The following PGM2L1 variants were observed in gnomAD, a reference collection of about 807,000 sequenced individuals.
PGM2L1 encodes the protein phosphoglucomutase 2 like 1, also known as glucose 1,6-bisphosphate synthase.
Under a neutral mutation model 73.4 loss-of-function variants are expected in PGM2L1, and 35 were observed. That is an observed-to-expected ratio of 0.48 (90% CI 0.36 to 0.63). PGM2L1 has a LOEUF of 0.63. Among genes scored for constraint, PGM2L1 ranks in the 30% least tolerant of loss-of-function variants. The pLI is 0.00. For missense variants in PGM2L1, 570 were observed against 742.0 expected (o/e 0.77, Z 2.69); for synonymous variants, 225 against 253.8 (o/e 0.89, Z 1.08).
At chr11:74,362,691 G>A (rs1862585237) in intron 5 of PGM2L1, among the ~76,000 whole-genome samples, 2 of 152,160 alleles carry the variant, frequency 1.3e-5, no homozygotes, top group Non-Finnish European at 2.9e-5. Flanking sequence ...ATAAAGGGAT[G>A]GAGGAAGATC....
intron 1 of PGM2L1, among the ~76,000 whole-genome samples, chr11:74,377,639 A>C (rs946559524): frequency 6.6e-6 from 1 of 152,204 alleles, no homozygotes; most frequent in Non-Finnish European, 1.5e-5. Flanking sequence ...TTTCAAGTAG[A>C]AAAGTGACTT....
intron 4 of PGM2L1, among the ~76,000 whole-genome samples, chr11:74,370,009 A>C (rs1470523769): frequency 6.6e-6 from 1 of 152,118 alleles, no homozygotes; most frequent in African/African-American, 2.4e-5. Context: ...GGCCTCCCAA[A>C]GTGCTGGGAT....
chr11:74,389,968 AAT>A (rs1863072275), intron 1 of PGM2L1, among the ~76,000 whole-genome samples: 1 of 137,056 alleles, frequency 7.3e-6, no homozygotes, highest in African/African-American at 2.8e-5. Context: ...AAAAAAAAAA[AAT>A]TAGCCAGGCG....
At chr11:74,358,820 C>G (rs532605954) in intron 5 of PGM2L1, among the ~76,000 whole-genome samples, 4 of 152,098 alleles carry the variant, frequency 2.6e-5, no homozygotes, top group African/African-American at 9.7e-5. Context: ...ACCTGGGAGG[C>G]GAAGGTTGCA....
rs115533846 is a variant in PGM2L1 at position 74,334,807 on chromosome 11, G to A, written c.*1845C>T. 6.6e-6 allele frequency: 1 copy of A among 151,626 alleles called. No individual in the cohort carries two copies. Among genetic ancestry groups the A allele is most frequent in the Non-Finnish European group, 1.5e-5 (1 of 67,950 alleles). The allele number at this position is 151,626 out of a possible 1,614,324, so 9.4% of individuals were successfully genotyped here. A position where few individuals can be genotyped will look rare whatever the true frequency, so the allele number is the denominator to read the frequency against. On this transcript the variant is annotated 3_prime_UTR_variant, in exon 14 of 14. Transcript: ENST00000298198. Reference sequence around the variant, plus strand: ...AGCAATTTGTTTAGGTCTTGTTATTGTTATCTCCTAACTATACCCCATATG... The same window carrying A: ...AGCAATTTGTTTAGGTCTTGTTATTATTATCTCCTAACTATACCCCATATG...
chr11:74,339,087 C>T (rs1286212229), intron 12 of PGM2L1, among the ~76,000 whole-genome samples: 1 of 152,098 alleles, frequency 6.6e-6, no homozygotes, highest in East Asian at 1.9e-4. Context: ...GTAAGTGTTA[C>T]CGCCATTTTA....
Position 74,333,648 on chromosome 11 carries a change from CTCA to C in PGM2L1, c.*3001_*3003del, listed in dbSNP as rs1198054803. ...AATAAAGGAAAATGGTAGGTGCATA[CTCA>C]TCATAACAACAAATAAACACAAGTA... On this transcript the variant is annotated 3_prime_UTR_variant, in exon 14 of 14. Transcript: ENST00000298198. 6.6e-6 allele frequency: 1 copy of C among 152,218 alleles called. No homozygotes were observed. Among genetic ancestry groups the C allele is most frequent in the Non-Finnish European group, 1.5e-5 (1 of 68,050 alleles). The allele number at this position is 152,218 out of a possible 1,614,324, so 9.4% of individuals were successfully genotyped here.
rs776428459 is a variant in PGM2L1 at position 74,342,520 on chromosome 11, T to C, written c.1573A>G (p.Ile525Val). The C allele has an allele frequency of 3.7e-6, 6 of 1,609,792 alleles. No homozygotes were observed. The highest frequency in any genetic ancestry group is 5.1e-6 in the Non-Finnish European group (6 of 1,177,848). ...GTGGTAACGTCCCGTACATGCAATATAGCAAATGTTCCACAAAATTTTGGA... is the reference window on the plus strand; with the variant it reads ...GTGGTAACGTCCCGTACATGCAATACAGCAAATGTTCCACAAAATTTTGGA... ...EYPKFCGTFA[I>V]LHVRDVTTGY... The change falls in exon 12 of 14, where the codon ATA becomes GTA. Residue 525 changes from isoleucine (I) to valine (V), a missense_variant. Transcript: ENST00000298198.
intron 12 of PGM2L1, 23 bp downstream of exon 12, chr11:74,342,438 T>TG (rs1862196640): frequency 2.1e-6 from 3 of 1,404,932 alleles, no homozygotes; most frequent in East Asian, 2.6e-5. Context: ...CTAAATTGTT[T>TG]GGAAAAAAAA....
intron 1 of PGM2L1, among the ~76,000 whole-genome samples, chr11:74,395,591 G>A (rs1160419917): frequency 3.6e-5 from 4 of 109,806 alleles, no homozygotes; most frequent in African/African-American, 1.5e-4. Context: ...ATTTTTAGTA[G>A]GGACGGGGTT....
chr11:74,360,795 G>A (rs917255240), intron 5 of PGM2L1, among the ~76,000 whole-genome samples: 12 of 152,176 alleles, frequency 7.9e-5, no homozygotes, highest in Non-Finnish European at 1.2e-4. Flanking sequence ...ACAGAGCCTC[G>A]CTCATTGTTA....
intron 5 of PGM2L1, among the ~76,000 whole-genome samples, chr11:74,365,113 G>A (rs1862634681): frequency 6.7e-6 from 1 of 149,758 alleles, no homozygotes; most frequent in South Asian, 2.2e-4. Flanking sequence ...AAGAAATGGG[G>A]AAAGGATTCC....
intron 1 of PGM2L1, among the ~76,000 whole-genome samples, chr11:74,387,923 A>G (rs563421637): frequency 6.6e-6 from 1 of 152,318 alleles, no homozygotes; most frequent in South Asian, 2.1e-4. Context: ...CTTGTAATAC[A>G]TTCTTCCAGA....
At chr11:74,371,584 T>C in intron 3 of PGM2L1, 127 bp downstream of exon 3, 3 of 651,860 alleles carry the variant, frequency 4.6e-6, no homozygotes, top group Non-Finnish European at 7.8e-6. Context: ...TTAAAGTAAA[T>C]ATTAGCATGT....
chr11:74,342,705 C>T, intron 11 of PGM2L1, 55 bp from the exon 12 acceptor site: 1 of 1,427,910 alleles, frequency 7.0e-7, no homozygotes, highest in Non-Finnish European at 9.4e-7. Flanking sequence ...TTTAAAAAAG[C>T]ATATATTAAG....
chr11:74,376,421 C>T (rs1414203777), intron 1 of PGM2L1, among the ~76,000 whole-genome samples: 2 of 151,080 alleles, frequency 1.3e-5, no homozygotes, highest in Admixed American at 6.6e-5. Flanking sequence ...CAAAGCAAAA[C>T]GATATTCCTT....
At chr11:74,352,515 T>C (rs1179054548) in intron 5 of PGM2L1, among the ~76,000 whole-genome samples, 2 of 152,214 alleles carry the variant, frequency 1.3e-5, no homozygotes, top group African/African-American at 4.8e-5. Flanking sequence ...TTATAGGATT[T>C]CAAATTTGGA....
intron 8 of PGM2L1, 79 bp from the exon 9 acceptor site, chr11:74,345,728 A>T: frequency 8.0e-7 from 1 of 1,251,496 alleles, no homozygotes; most frequent in Non-Finnish European, 1.1e-6. Flanking sequence ...AAAAATTACC[A>T]TCCTTCAGTT....
intron 5 of PGM2L1, among the ~76,000 whole-genome samples, chr11:74,356,234 T>TA (rs981758762): frequency 3.3e-5 from 5 of 152,172 alleles, no homozygotes; most frequent in Admixed American, 3.3e-4. Flanking sequence ...GCTGAACTGA[T>TA]AATTACTATT....
Sources: allele counts gnomAD v4.1 joint callset (sites outside exome capture counted in the v4.1 genomes callset), GRCh38; gene constraint gnomAD v4.1.1; transcripts MANE v1.5; gene names NCBI Gene and HGNC (gene_info 2026-07-23, HGNC 2026-07-21).